DPP9: variants seen among roughly 807,000 people sequenced by gnomAD.
DPP9 encodes the protein dipeptidyl peptidase IV-related protein-2.
In DPP9, 50 loss-of-function variants were observed where a neutral mutation model predicts 110.7. That is an observed-to-expected ratio of 0.45 (90% confidence interval 0.36 to 0.57). The LOEUF (loss-of-function observed/expected upper bound fraction) is 0.57. DPP9 is among the 20% of genes least tolerant of loss of function. The probability of loss-of-function intolerance (pLI) is 0.00; values close to 1 mark genes in which losing one functional copy is unlikely to be tolerated. For missense variants in DPP9, 1,022 were observed against 1,217.9 expected (o/e 0.84, Z 2.39); for synonymous variants, 561 against 514.4 (o/e 1.09, Z -1.23).
chr19:4,703,736 C>A (rs576922695), intron 7 of DPP9, 150 bp downstream of exon 7: 1 of 786,910 alleles, frequency 1.3e-6, no homozygotes. Context: ...CAGGACCTCC[C>A]GGGAGACATG....
intron 13 of DPP9, among the ~76,000 whole-genome samples, chr19:4,691,483 A>C (rs2091308684): frequency 6.6e-6 from 1 of 151,590 alleles, no homozygotes; most frequent in African/African-American, 2.4e-5. Flanking sequence ...CAAAAAAAAA[A>C]AACAAAAAAC....
chr19:4,723,171 C>T (rs887635395), intron 1 of DPP9, among the ~76,000 whole-genome samples: 1 of 152,268 alleles, frequency 6.6e-6, no homozygotes, highest in East Asian at 1.9e-4. Flanking sequence ...ATTGGGGAGA[C>T]CAAGCCTCGG....
At position 4,676,536 on chromosome 19, in the gene DPP9, G is replaced by C. The variant is rs1474975271; in HGVS notation, c.*28C>G. The C allele has an allele frequency of 1.3e-5, 20 of 1,568,466 alleles. No homozygotes were observed. Among genetic ancestry groups the C allele is most frequent in the Non-Finnish European group, 1.7e-5 (20 of 1,150,834 alleles). On this transcript the variant is annotated 3_prime_UTR_variant, in exon 22 of 22. Transcript: ENST00000262960. The surrounding 1 kb of genome is among the most constrained non-coding windows in gnomAD (Gnocchi z 4.0). Reference sequence around the variant, plus strand: ...CGCGGAGGCTGCAGCCACTTGTGCTGTGATGTGGCGGCTCCCGGTGGGCAG... The same window carrying C: ...CGCGGAGGCTGCAGCCACTTGTGCTCTGATGTGGCGGCTCCCGGTGGGCAG...
chr19:4,679,010 C>A (rs2089345084), intron 21 of DPP9, among the ~76,000 whole-genome samples: 1 of 151,888 alleles, frequency 6.6e-6, no homozygotes, highest in Admixed American at 6.6e-5. Flanking sequence ...CCAGCCGAAG[C>A]CCCGCCCCCG....
At chr19:4,686,201 G>A (rs1487606439) in intron 16 of DPP9, among the ~76,000 whole-genome samples, 1 of 151,272 alleles carries the variant, frequency 6.6e-6, no homozygotes, top group African/African-American at 2.4e-5. Context: ...CGATTATCCT[G>A]CCTCAGCCTC....
At position 4,700,597 on chromosome 19, in the gene DPP9, C is replaced by T. The variant is rs1383274734; in HGVS notation, c.1013-320G>A. ...CTGGGGCTTGTAGGGGCCGCAGATA[C>T]CAGGAAGATGCCATCCCTGCCTTGG... On this transcript the variant is annotated intron_variant, in intron 9 of 21. Transcript: ENST00000262960. This position sits in a 1 kb window ranked among gnomAD's most constrained non-coding sequence, Gnocchi z 4.3. 6.6e-6 allele frequency among the ~76,000 whole-genome samples: 1 copy of T among 152,172 alleles called. No homozygotes were observed. The highest frequency in any genetic ancestry group is 1.9e-4 in the East Asian group (1 of 5,192).
chr19:4,719,607 C>T (rs1363171185), intron 3 of DPP9: 8 of 574,502 alleles, frequency 1.4e-5, no homozygotes, highest in Middle Eastern at 4.7e-4. Flanking sequence ...TGCTCAGCAC[C>T]GTGAAGTGCC....
Position 4,704,104 on chromosome 19 carries a change from C to A in DPP9, c.600+27G>T, listed in dbSNP as rs1447050411. 1 of 1,613,792 alleles carries A rather than the reference C, an allele frequency of 6.2e-7. No individual in the cohort carries two copies. The highest frequency in any genetic ancestry group is 2.2e-5 in the East Asian group (1 of 44,884). On this transcript the variant is annotated intron_variant, in intron 6 of 21. Coordinates refer to ENST00000262960, the MANE Select transcript of DPP9 (RefSeq NM_139159.5). The surrounding 1 kb of genome is among the most constrained non-coding windows in gnomAD (Gnocchi z 6.0). Reference sequence around the variant, plus strand: ...GGGGGAGGGGCCCTCCACGCCACCCCCGCACACAGCCAGGGCCAGGGCTCA... The same window carrying A: ...GGGGGAGGGGCCCTCCACGCCACCCACGCACACAGCCAGGGCCAGGGCTCA...
Position 4,702,640 on chromosome 19 carries a change from G to A in DPP9, c.846C>T (p.Phe282=), listed in dbSNP as rs757224406. ...CTGTGGGGCACCACCAGTACCCAGT[G>A]AAGCGGTCGAACTCTTCCTGTATGA... is the stretch of plus-strand genomic sequence containing the variant. The part of the protein sequence containing the change: ...TFVIQEEFDR[F]TGYWWCPTAS... The change falls in exon 8 of 22, where the codon TTC becomes TTT. Residue 282 remains phenylalanine (F), a synonymous_variant. Transcript: ENST00000262960. The A allele has an allele frequency of 2.9e-5, 46 of 1,604,138 alleles. No individual in the cohort carries two copies. The highest frequency in any genetic ancestry group is 3.8e-5 in the Non-Finnish European group (45 of 1,175,700).
In DPP9 at chr19:4,676,696, G is replaced by A; in HGVS notation, c.2587-40C>T. On this transcript the variant is annotated intron_variant, in intron 21 of 21. Transcript: ENST00000262960. The surrounding 1 kb of genome is among the most constrained non-coding windows in gnomAD (Gnocchi z 4.0). ...GAGGCAGGGCTGGGGGGCGTGGCCGGACCACCCCCGTGTCCTAGGCTCCTC... is the reference window on the plus strand; with the variant it reads ...GAGGCAGGGCTGGGGGGCGTGGCCGAACCACCCCCGTGTCCTAGGCTCCTC... 1 of 1,516,268 alleles carries A rather than the reference G, an allele frequency of 6.6e-7. No individual in the cohort carries two copies. Among genetic ancestry groups the A allele is most frequent in the Non-Finnish European group, 9.0e-7 (1 of 1,111,786 alleles). The allele number at this position is 1,516,268 out of a possible 1,614,324, so 93.9% of individuals were successfully genotyped here.
At chr19:4,715,227 T>C (rs2093025480) in intron 3 of DPP9, among the ~76,000 whole-genome samples, 1 of 151,948 alleles carries the variant, frequency 6.6e-6, no homozygotes, top group Non-Finnish European at 1.5e-5. Flanking sequence ...TTCACTATGT[T>C]GGTCAGGCTG....
At position 4,704,753 on chromosome 19, in the gene DPP9, C is replaced by A. The variant is rs955738046; in HGVS notation, c.427-449G>T. On this transcript the variant is annotated intron_variant, in intron 5 of 21. Coordinates refer to ENST00000262960, the MANE Select transcript of DPP9 (RefSeq NM_139159.5). This position sits in a 1 kb window ranked among gnomAD's most constrained non-coding sequence, Gnocchi z 6.0. ...AGAGCTTTCAATTTCGTAATCCCAG[C>A]ACTTTGGGAGGCCGAGGTGGGCAGA... Among the ~76,000 whole-genome samples the A allele has an allele frequency of 3.3e-5, 5 of 152,348 alleles. No individual in the cohort carries two copies. The highest frequency in any genetic ancestry group is 3.9e-4 in the East Asian group (2 of 5,190).
intron 5 of DPP9, among the ~76,000 whole-genome samples, chr19:4,705,181 T>C (rs776514964): frequency 2.2e-4 from 34 of 152,172 alleles, no homozygotes; most frequent in Non-Finnish European, 4.3e-4. Context: ...TACATTGTTA[T>C]GTTTATGTTG....
chr19:4,723,009 G>A (rs1286053981), intron 1 of DPP9, among the ~76,000 whole-genome samples: 2 of 152,224 alleles, frequency 1.3e-5, no homozygotes, highest in Non-Finnish European at 2.9e-5. Context: ...ACAGGCCTGA[G>A]AAGGGAGGCT....
At chr19:4,722,273 C>G in intron 2 of DPP9, 2 of 556,266 alleles carry the variant, frequency 3.6e-6, no homozygotes. Flanking sequence ...TTCCTCTCCT[C>G]AAAGCCTTCA....
At position 4,685,694 on chromosome 19, in the gene DPP9, A is replaced by G; in HGVS notation, c.1963T>C (p.Tyr655His). The G allele has an allele frequency of 6.2e-7, 1 of 1,613,458 alleles. No individual in the cohort carries two copies. The highest frequency in any genetic ancestry group is 8.5e-7 in the Non-Finnish European group (1 of 1,179,810). The change falls in exon 17 of 22, where the codon TAC becomes CAC. Residue 655 changes from tyrosine to histidine, a missense_variant. By Grantham distance (83) the Tyr-to-His change is moderately conservative. This residue lies in a region of DPP9 where 810 missense variants were observed against 920.6 expected (regional missense o/e 0.88). Transcript: ENST00000262960. This position sits in a 1 kb window ranked among gnomAD's most constrained non-coding sequence, Gnocchi z 5.8. ...CCTGGCTGCAAGGCGTGGGGCTTGT[A>G]GATCATGCCGTAGAGCCGCACATCC... ...RSDVRLYGMI[Y>H]KPHALQPGKK... is the part of the protein sequence containing the mutation.
chr19:4,703,875 G>C lies in DPP9; in HGVS notation c.769+11C>G, dbSNP rs2092440089. On this transcript the variant is annotated intron_variant, in intron 7 of 21. Coordinates refer to ENST00000262960, the MANE Select transcript of DPP9 (RefSeq NM_139159.5). Reference sequence around the variant, plus strand: ...GCTATGGTGGCCGTGCACAGGAGGGGCTGGCCCCACCTTGGTGGCAGAAGG... The same window carrying C: ...GCTATGGTGGCCGTGCACAGGAGGGCCTGGCCCCACCTTGGTGGCAGAAGG... The C allele has an allele frequency of 6.3e-7, 1 of 1,593,566 alleles. No homozygotes were observed. The highest frequency in any genetic ancestry group is 8.5e-7 in the Non-Finnish European group (1 of 1,170,874).
In DPP9 at chr19:4,687,658, GGGCCCTCTGCATGCCGCTGT is replaced by G. The variant is rs372146888; in HGVS notation, c.1885+1079_1885+1098del. On this transcript the variant is annotated intron_variant, in intron 16 of 21. Transcript: ENST00000262960. The surrounding 1 kb of genome is among the most constrained non-coding windows in gnomAD (Gnocchi z 4.7). ...GCCTCTGGGCACAGGACACCATAAA[GGGCCCTCTGCATGCCGCTGT>G]GGCCAGGACTGCAGGGTCCTGGAGA... Among the ~76,000 whole-genome samples, 605 of 152,342 alleles carry G rather than the reference GGGCCCTCTGCATGCCGCTGT, an allele frequency of 4.0e-3. 5 individuals are homozygous for G. Among genetic ancestry groups the G allele is most frequent in the African/African-American group, 0.014 (563 of 41,580 alleles).
intron 21 of DPP9, among the ~76,000 whole-genome samples, chr19:4,677,410 G>A (rs970004232): frequency 6.6e-6 from 1 of 152,134 alleles, no homozygotes; most frequent in Admixed American, 6.5e-5. Flanking sequence ...GGGGCAGGTG[G>A]CCCATCTACG....
Sources: gnomAD v4.1 joint callset for allele counts (sites outside exome capture counted in the v4.1 genomes callset) on GRCh38, gnomAD v4.1.1 for gene constraint, gnomAD v4.1.1 regional missense constraint, Gnocchi (gnomAD v3.1) non-coding constraint, MANE v1.5 for transcripts, NCBI Gene and HGNC (gene_info 2026-07-23, HGNC 2026-07-21) for gene names.